Variants in RAB11FIP3 observed in about 807,000 individuals in gnomAD.
RAB11FIP3 encodes RAB11 family interacting protein 3, also known as rab11 family-interacting protein 3.
RAB11FIP3 carries 17 observed loss-of-function variants against 77.8 expected under a neutral mutation model. That is an observed-to-expected ratio of 0.22 (90% confidence interval 0.15 to 0.33). The LOEUF (loss-of-function observed/expected upper bound fraction) is 0.33. Among genes scored for constraint, RAB11FIP3 ranks in the 10% least tolerant of loss-of-function variants. The pLI is 1.00. For synonymous variants in RAB11FIP3, 437 were observed against 448.2 expected (o/e 0.98, Z 0.31); for missense variants, 1,005 against 1,011.2 (o/e 0.99, Z 0.08).
chr16:491,259 A>G (rs1395880278), intron 5 of RAB11FIP3: 6 of 1,304,794 alleles, frequency 4.6e-6, no homozygotes, highest in Admixed American at 2.3e-5. Flanking sequence ...AGTGATCTTG[A>G]AATGAATAGG....
chr16:492,360 T>TCCCCGGGGGACCCGAGGCCGCCCAGAGCC, intron 5 of RAB11FIP3, among the ~76,000 whole-genome samples: 2 of 25,628 alleles, frequency 7.8e-5, no homozygotes, highest in African/African-American at 4.4e-4. Flanking sequence ...TTGAAGAGGG[T>TCCCCGGGGGACCCGAGGCCGCCCAGAGCC]CTTCCCGGGA....
chr16:451,132 T>C (rs1027892219), intron 1 of RAB11FIP3, among the ~76,000 whole-genome samples: 1 of 152,158 alleles, frequency 6.6e-6, no homozygotes, highest in South Asian at 2.1e-4. Flanking sequence ...TGGAGGCAGC[T>C]CTGAATATAC....
chr16:494,329 A>T (rs1240163010), intron 5 of RAB11FIP3, among the ~76,000 whole-genome samples: 1 of 151,404 alleles, frequency 6.6e-6, no homozygotes, highest in Non-Finnish European at 1.5e-5. Flanking sequence ...GATAAAATTA[A>T]ATTTGTATTA....
chr16:452,120 C>T (rs952882341), intron 1 of RAB11FIP3, among the ~76,000 whole-genome samples: 1 of 152,094 alleles, frequency 6.6e-6, no homozygotes, highest in Non-Finnish European at 1.5e-5. Flanking sequence ...CACTGTACTC[C>T]AGCCTGGGCG....
In RAB11FIP3 at chr16:426,292, C is replaced by A. The variant is rs1431420812; in HGVS notation, c.286C>A (p.Pro96Thr). The A allele has an allele frequency of 3.2e-6, 4 of 1,252,084 alleles. No homozygotes were observed. Among genetic ancestry groups the A allele is most frequent in the East Asian group, 3.1e-5 (1 of 31,752 alleles). 77.6% of individuals were successfully genotyped at this position (1,252,084 alleles called of 1,614,324 possible). Residue 96 changes from proline (P) to threonine (T), a missense_variant, in exon 1 of 14, where the codon CCG becomes ACG. Around this residue, in one of 4 missense-constraint regions of RAB11FIP3, gnomAD observed 466 missense variants for 408.3 expected, o/e 1.14. Coordinates refer to ENST00000262305, the MANE Select transcript of RAB11FIP3 (RefSeq NM_014700.4). The surrounding 1 kb of genome is among the most constrained non-coding windows in gnomAD (Gnocchi z 5.0). ...GPSAPPPRSG[P>T]RGQLASPDAP... ...GTCCGCCCCGCCGCCGCGCTCCGGC[C>A]CGCGGGGGCAGCTTGCGAGCCCCGA... is the stretch of plus-strand genomic sequence containing the variant.
At chr16:445,113 C>CAAAAAAAAAAAAA (rs56706849) in intron 1 of RAB11FIP3, among the ~76,000 whole-genome samples, 1 of 70,828 alleles carries the variant, frequency 1.4e-5, no homozygotes, top group African/African-American at 6.9e-5. Flanking sequence ...GACTCTGTCT[C>CAAAAAAAAAAAAA]AAAAAAAAAA....
chr16:519,080 G>A (rs942735460), intron 10 of RAB11FIP3, 56 bp downstream of exon 10: 6 of 1,562,504 alleles, frequency 3.8e-6, no homozygotes, highest in South Asian at 2.2e-5. Flanking sequence ...TGCCCTGCCT[G>A]TGGGGCAGCT....
rs768502728 is a variant in RAB11FIP3, at chr16:426,456, C to T, written c.450C>T (p.Ser150=). The change falls in exon 1 of 14, where the codon AGC becomes AGT. Residue 150 remains serine, a synonymous_variant. Transcript: ENST00000262305. This position sits in a 1 kb window ranked among gnomAD's most constrained non-coding sequence, Gnocchi z 5.0. ...SAPFRLQGSS[S]SHRARGEVDV... ...CTTTCCGCTTGCAGGGGTCCAGCAG[C>T]AGCCACCGAGCGCGGGGCGAGGTCG... 6.3e-7 allele frequency: 1 copy of T among 1,584,318 alleles called. No homozygotes were observed. Among genetic ancestry groups the T allele is most frequent in the Non-Finnish European group, 8.6e-7 (1 of 1,166,538 alleles).
chr16:427,595 G>T (rs1458609743), intron 1 of RAB11FIP3, among the ~76,000 whole-genome samples: 1 of 152,222 alleles, frequency 6.6e-6, no homozygotes, highest in Non-Finnish European at 1.5e-5. Context: ...TAACCCGGTG[G>T]ACATCAAATA....
intron 11 of RAB11FIP3, 87 bp downstream of exon 11, chr16:519,978 T>C: frequency 6.6e-7 from 1 of 1,522,010 alleles, no homozygotes; most frequent in Middle Eastern, 2.3e-4. Flanking sequence ...AGCTCTTGGC[T>C]GTGCTGCTTT....
intron 1 of RAB11FIP3, among the ~76,000 whole-genome samples, chr16:454,879 G>A (rs997050475): frequency 2.4e-4 from 36 of 151,730 alleles, no homozygotes; most frequent in African/African-American, 8.2e-4. Flanking sequence ...GCAAAACGAC[G>A]TCTCTACTAA....
At chr16:445,738 C>T (rs762567289) in intron 1 of RAB11FIP3, among the ~76,000 whole-genome samples, 20 of 151,856 alleles carry the variant, frequency 1.3e-4, no homozygotes, top group Non-Finnish European at 2.8e-4. Context: ...TTAGAACCTT[C>T]CTCCAGGCAC....
chr16:503,004 G>A lies in RAB11FIP3; in HGVS notation c.1302G>A (p.Arg434=), dbSNP rs2031614459. The A allele has an allele frequency of 1.9e-6, 3 of 1,608,982 alleles. No individual in the cohort carries two copies. The highest frequency in any genetic ancestry group is 1.7e-5 in the Admixed American group (1 of 59,930). ...TKRLSSKKVA[R]YLHQSGALTM... is the part of the protein sequence containing the mutation. The stretch of plus-strand genomic sequence containing the variant: ...CTCTGTTGTTGTGCCTTTTCTGTAG[G>A]TACCTGCACCAGTCAGGGGCCCTGA... Residue 434 remains arginine, a splice_region_variant and synonymous_variant, in exon 7 of 14, where the codon AGG becomes AGA. Transcript: ENST00000262305.
intron 6 of RAB11FIP3, among the ~76,000 whole-genome samples, chr16:500,687 C>CA (rs56771770): frequency 0.45 from 9,946 of 22,194 alleles, 3,061 homozygotes; most frequent in East Asian, 0.81. Flanking sequence ...GACTCTGTCG[C>CA]AAAAAAAAAA....
rs76013650 is a variant in RAB11FIP3 at position 491,091 on chromosome 16, C to T, written c.1265+2091C>T. ...TCGTGCGGAGTCACAGATGACCACACGGGTCCTCATCCTCTCCTGAACGGA... is the reference window on the plus strand; with the variant it reads ...TCGTGCGGAGTCACAGATGACCACATGGGTCCTCATCCTCTCCTGAACGGA... On this transcript the variant is annotated intron_variant, in intron 5 of 13. Transcript: ENST00000262305. 5.8e-3 allele frequency: 7,424 copies of T among 1,275,574 alleles called. 276 individuals are homozygous for T. In the African/African-American group the frequency reaches 0.087, roughly 15 times the overall value. 79.0% of individuals were successfully genotyped at this position (1,275,574 alleles called of 1,614,324 possible). A position where few individuals can be genotyped will look rare whatever the true frequency, so the allele number is the denominator to read the frequency against.
At position 471,090 on chromosome 16, in the gene RAB11FIP3, G is replaced by A. The variant is rs1423284603; in HGVS notation, c.809-205G>A. On this transcript the variant is annotated intron_variant, in intron 2 of 13. Transcript: ENST00000262305. This position sits in a 1 kb window ranked among gnomAD's most constrained non-coding sequence, Gnocchi z 4.4. ...CAGAAGCCTTGTTCCTGTGGGCAAC[G>A]CATCTCTGACCCGTTGGCAAGGCTG... Among the ~76,000 whole-genome samples the A allele has an allele frequency of 6.6e-6, 1 of 151,822 alleles. No homozygotes were observed. Among genetic ancestry groups the A allele is most frequent in the Non-Finnish European group, 1.5e-5 (1 of 67,970 alleles).
At chr16:451,783 C>T (rs545806660) in intron 1 of RAB11FIP3, among the ~76,000 whole-genome samples, 1 of 151,422 alleles carries the variant, frequency 6.6e-6, no homozygotes, top group East Asian at 2.0e-4. Context: ...TACAGTGACC[C>T]GAGATCACAC....
At chr16:497,268 A>T (rs954634810) in intron 6 of RAB11FIP3, 1 of 1,304,980 alleles carries the variant, frequency 7.7e-7, no homozygotes, top group Non-Finnish European at 1.0e-6. Flanking sequence ...TCCAATTCCT[A>T]AAGACCATTT....
rs1172566081 is a variant in RAB11FIP3, at chr16:461,877, T to C, written c.808+380T>C. On this transcript the variant is annotated intron_variant, in intron 2 of 13. Transcript: ENST00000262305. The surrounding 1 kb of genome is among the most constrained non-coding windows in gnomAD (Gnocchi z 4.5). Reference sequence around the variant, plus strand: ...GTCGCACTCTCTCCCCACGTCTCTGTCCATCTCCAGTCTGTCCCCCAGCCC... The same window carrying C: ...GTCGCACTCTCTCCCCACGTCTCTGCCCATCTCCAGTCTGTCCCCCAGCCC... Among the ~76,000 whole-genome samples, 1 of 152,188 alleles carries C rather than the reference T, an allele frequency of 6.6e-6. No individual in the cohort carries two copies. Among genetic ancestry groups the C allele is most frequent in the African/African-American group, 2.4e-5 (1 of 41,442 alleles).
Sources: allele counts gnomAD v4.1 joint callset (sites outside exome capture counted in the v4.1 genomes callset), GRCh38; gene constraint gnomAD v4.1.1; regional missense constraint gnomAD v4.1.1; non-coding constraint Gnocchi (gnomAD v3.1); transcripts MANE v1.5; gene names NCBI Gene and HGNC (gene_info 2026-07-23, HGNC 2026-07-21).